OSBPL9: variants seen among roughly 807,000 people sequenced by gnomAD.
OSBPL9 encodes oxysterol-binding protein-related protein 9.
OSBPL9 carries 40 observed loss-of-function variants against 106.6 expected under a neutral mutation model. The observed-to-expected ratio is 0.38, with a 90% CI of 0.29 to 0.49. OSBPL9 has a LOEUF of 0.49. Among genes scored for constraint, OSBPL9 ranks in the 20% least tolerant of loss-of-function variants. OSBPL9 has a pLI of 0.97. For synonymous variants in OSBPL9, 269 were observed against 295.4 expected, an observed-to-expected ratio of 0.91 and a Z score of 0.92; for missense variants, 609 against 887.2, an observed-to-expected ratio of 0.69 and a Z score of 3.98.
intron 4 of OSBPL9, among the ~76,000 whole-genome samples, chr1:51,734,814 C>A (rs576839723): frequency 6.6e-6 from 1 of 152,234 alleles, no homozygotes; most frequent in African/African-American, 2.4e-5. Context: ...GTAGTCTCCA[C>A]CCCTTGGTCG....
intron 4 of OSBPL9, among the ~76,000 whole-genome samples, chr1:51,741,118 T>G (rs1397662791): frequency 2.6e-5 from 4 of 152,192 alleles, no homozygotes. Context: ...GCTTTTAAGT[T>G]CCTTCTGAAA....
intron 1 of OSBPL9, among the ~76,000 whole-genome samples, chr1:51,595,981 G>C (rs887307314): frequency 6.6e-6 from 1 of 152,074 alleles, no homozygotes. Context: ...ATCAGGCCAG[G>C]CATGGTGCCT....
intron 9 of OSBPL9, among the ~76,000 whole-genome samples, chr1:51,759,006 T>C (rs1302532170): frequency 6.6e-6 from 1 of 152,020 alleles, no homozygotes; most frequent in African/African-American, 2.4e-5. Context: ...CTGAGGCCCA[T>C]AGAGGATAAG....
chr1:51,690,291 C>T (rs1245344441), intron 3 of OSBPL9, among the ~76,000 whole-genome samples: 9 of 152,114 alleles, frequency 5.9e-5, no homozygotes, highest in Admixed American at 5.9e-4. Flanking sequence ...GAAAAGAACC[C>T]ATTAATCTAC....
rs577216107 is a variant in OSBPL9 at position 51,690,422 on chromosome 1, A to T, written c.241+20910A>T. Among the ~76,000 whole-genome samples, 4 of 152,286 alleles carry T rather than the reference A, an allele frequency of 2.6e-5. No individual in the cohort carries two copies. The South Asian group carries it at 8.3e-4, about 32-fold the overall frequency. On this transcript the variant is annotated intron_variant, in intron 3 of 23. Coordinates refer to ENST00000428468, the MANE Select transcript of OSBPL9 (RefSeq NM_024586.6). ...ATTGTCGAAGTGGAAGTTGTGGGGG[A>T]GGAACACTTGTGTAAATATTTGCCT...
intron 5 of OSBPL9, among the ~76,000 whole-genome samples, chr1:51,746,499 A>G (rs1191132236): frequency 6.6e-6 from 1 of 152,232 alleles, no homozygotes; most frequent in African/African-American, 2.4e-5. Flanking sequence ...TTCCAGAGTG[A>G]TTGATCTTGA....
At chr1:51,691,248 A>G (rs1450930519) in intron 3 of OSBPL9, among the ~76,000 whole-genome samples, 1 of 151,050 alleles carries the variant, frequency 6.6e-6, no homozygotes, top group Non-Finnish European at 1.5e-5. Flanking sequence ...TTCTTCAATA[A>G]TAAACTAACC....
upstream of OSBPL9, among the ~76,000 whole-genome samples, chr1:51,574,310 G>A (rs760590583): frequency 6.6e-6 from 1 of 152,116 alleles, no homozygotes. Flanking sequence ...AATCACCATG[G>A]GAATGTATGG....
chr1:51,549,476 G>A, the OSBPL9 span, among the ~76,000 whole-genome samples: 2 of 152,212 alleles, frequency 1.3e-5, no homozygotes, highest in Admixed American at 1.3e-4. Flanking sequence ...ATCATTTACT[G>A]AACTGTATGA....
chr1:51,633,205 C>T (rs544403968), intron 1 of OSBPL9, among the ~76,000 whole-genome samples: 79 of 151,744 alleles, frequency 5.2e-4, no homozygotes, highest in African/African-American at 1.8e-3. Flanking sequence ...GCGATCCACC[C>T]GCCTTGGCCT....
intron 1 of OSBPL9, among the ~76,000 whole-genome samples, chr1:51,579,031 G>A (rs1224776255): frequency 6.6e-6 from 1 of 151,026 alleles, no homozygotes; most frequent in Non-Finnish European, 1.5e-5. Flanking sequence ...CTAGGGACTC[G>A]TTTCTGCCAC....
chr1:51,596,732 A>G (rs1379549140), intron 1 of OSBPL9, among the ~76,000 whole-genome samples: 7 of 152,054 alleles, frequency 4.6e-5, no homozygotes, highest in African/African-American at 1.7e-4. Flanking sequence ...GTGAGCTGAG[A>G]TCGTGCCACT....
chr1:51,624,331 A>C (rs914046379), intron 1 of OSBPL9, among the ~76,000 whole-genome samples: 4 of 152,128 alleles, frequency 2.6e-5, no homozygotes, highest in African/African-American at 9.7e-5. Context: ...TCATGCCTGT[A>C]ATCCCCCAGC....
chr1:51,779,012 A>G (rs149450047), intron 15 of OSBPL9, among the ~76,000 whole-genome samples: 3 of 152,356 alleles, frequency 2.0e-5, no homozygotes, highest in East Asian at 3.9e-4. Context: ...ATGCACTTAC[A>G]TGGACTTAAT....
At chr1:51,783,747 G>C (rs1415354697) in intron 17 of OSBPL9, among the ~76,000 whole-genome samples, 168 bp from the exon 18 acceptor site, 1 of 152,150 alleles carries the variant, frequency 6.6e-6, no homozygotes, top group African/African-American at 2.4e-5. Context: ...ATGAATGCTT[G>C]CATTGGGGAA....
intron 1 of OSBPL9, among the ~76,000 whole-genome samples, chr1:51,589,730 G>C (rs1031875922): frequency 2.0e-5 from 3 of 151,792 alleles, no homozygotes; most frequent in African/African-American, 7.3e-5. Flanking sequence ...TGAACAAGCA[G>C]GAGATAAGAG....
chr1:51,588,107 G>A (rs990477534), intron 1 of OSBPL9, among the ~76,000 whole-genome samples: 1 of 152,212 alleles, frequency 6.6e-6, no homozygotes, highest in Non-Finnish European at 1.5e-5. Flanking sequence ...ATTCGGCCAA[G>A]CATGGTGGCT....
At chr1:51,730,809 G>A (rs1440673929) in intron 4 of OSBPL9, among the ~76,000 whole-genome samples, 7 of 152,082 alleles carry the variant, frequency 4.6e-5, no homozygotes, top group African/African-American at 2.4e-5. Flanking sequence ...GCTGTATTAA[G>A]GAAGTTAAAA....
chr1:51,616,139 C>T (rs116572677), upstream of OSBPL9, among the ~76,000 whole-genome samples: 1,933 of 151,918 alleles, frequency 0.013, 40 homozygotes, highest in African/African-American at 0.042. Flanking sequence ...GGTGCGCCAC[C>T]ACGCCCAGAT....
Sources: allele counts gnomAD v4.1 joint callset (sites outside exome capture counted in the v4.1 genomes callset), GRCh38; gene constraint gnomAD v4.1.1; transcripts MANE v1.5; gene names NCBI Gene and HGNC (gene_info 2026-07-23, HGNC 2026-07-21).